Variants in RDH11 observed in about 807,000 individuals in gnomAD.
RDH11 encodes the protein retinol dehydrogenase 11.
In RDH11, 19 loss-of-function variants were observed where a neutral mutation model predicts 33.4. The ratio of observed to expected loss-of-function variants is 0.57; its 90% CI spans 0.40 to 0.83. The LOEUF (loss-of-function observed/expected upper bound fraction) is 0.83, where lower values mean the gene tolerates loss of function less well. Among genes scored for constraint, RDH11 ranks in the 40% least tolerant of loss-of-function variants. The probability of loss-of-function intolerance (pLI) is 0.00; values close to 1 mark genes in which losing one functional copy is unlikely to be tolerated. For missense variants in RDH11, 353 were observed against 389.0 expected, an observed-to-expected ratio of 0.91 and a Z score of 0.78; for synonymous variants, 154 against 155.3, an observed-to-expected ratio of 0.99 and a Z score of 0.06.
chr14:67,692,247 T>C (rs1399550947), intron 3 of RDH11, 191 bp downstream of exon 3: 3 of 607,292 alleles, frequency 4.9e-6, no homozygotes, highest in Non-Finnish European at 8.5e-6. Context: ...TTGAATTCAT[T>C]TTTTGTTTCT....
At chr14:67,691,976 T>A (rs1226294202) in intron 3 of RDH11, 1 of 156,420 alleles carries the variant, frequency 6.4e-6, no homozygotes, top group Non-Finnish European at 1.4e-5. Context: ...CATCTATGTC[T>A]AAAGAGATGG....
intron 1 of RDH11, among the ~76,000 whole-genome samples, chr14:67,694,431 A>AATATATAT (rs144995720): frequency 1.4e-5 from 2 of 140,100 alleles, no homozygotes; most frequent in South Asian, 2.3e-4. Context: ...CAGCTCCTGG[A>AATATATAT]ATATATATAT....
chr14:67,684,297 T>C (rs1429554125), intron 6 of RDH11, among the ~76,000 whole-genome samples: 1 of 152,116 alleles, frequency 6.6e-6, no homozygotes, highest in Non-Finnish European at 1.5e-5. Flanking sequence ...GAAGTAGAGG[T>C]AAAAACATGT....
At chr14:67,680,613 C>A (rs2037603195) in intron 6 of RDH11, among the ~76,000 whole-genome samples, 1 of 152,182 alleles carries the variant, frequency 6.6e-6, no homozygotes, top group Non-Finnish European at 1.5e-5. Context: ...GACACGCCAC[C>A]ACGCCTGGCT....
intron 5 of RDH11, among the ~76,000 whole-genome samples, chr14:67,687,633 G>C (rs757858503): frequency 3.5e-4 from 53 of 151,752 alleles, no homozygotes; most frequent in Non-Finnish European, 5.9e-4. Context: ...CAACATGCCC[G>C]GCTAATTTTG....
intron 1 of RDH11, among the ~76,000 whole-genome samples, chr14:67,694,322 T>C (rs2037795570): frequency 6.6e-6 from 1 of 152,008 alleles, no homozygotes; most frequent in Admixed American, 6.6e-5. Context: ...GTAGGACCTG[T>C]ACTTAGTTCT....
Position 67,695,591 on chromosome 14 carries a change from A to G in RDH11, c.74+39T>C, listed in dbSNP as rs754745926. On this transcript the variant is annotated intron_variant, in intron 1 of 6. Coordinates refer to ENST00000381346, the MANE Select transcript of RDH11 (RefSeq NM_016026.4). ...TTCTATGTTTCCCTCCCGCCCCGCA[A>G]CAAGAATTCTCAAGAGAAGGCAATA... is the stretch of plus-strand genomic sequence containing the variant. The G allele has an allele frequency of 2.5e-6, 4 of 1,580,286 alleles. No individual in the cohort carries two copies. The African/African-American group carries it at 5.4e-5, about 21-fold the overall frequency.
intron 4 of RDH11, 161 bp from the exon 5 acceptor site, chr14:67,690,582 G>T: frequency 1.6e-6 from 1 of 630,730 alleles, no homozygotes. Flanking sequence ...GAAGGTTTAG[G>T]GAAATAACAA....
Position 67,690,273 on chromosome 14 carries a change from G to A in RDH11, c.603C>T (p.Ala201=). ...TGTTGGCTAGCTTGCTGTGACAGTA[G>A]GCCAGGCCTGCATTGTAGAATTTCT... ...QGEKFYNAGL[A]YCHSKLANIL... Residue 201 remains alanine (A), a synonymous_variant, in exon 5 of 7, where the codon GCC becomes GCT. Transcript: ENST00000381346. 6.2e-7 allele frequency: 1 copy of A among 1,614,120 alleles called. No homozygotes were observed.
chr14:67,691,747 T>C (rs2037753111), intron 3 of RDH11: 1 of 155,964 alleles, frequency 6.4e-6, no homozygotes, highest in African/African-American at 2.4e-5. Context: ...GCTTTTTCCT[T>C]GGAGGCCTAG....
chr14:67,691,070 A>T (rs965289429), intron 4 of RDH11, 70 bp downstream of exon 4: 1 of 992,004 alleles, frequency 1.0e-6, no homozygotes, highest in East Asian at 2.4e-5. Context: ...AGAAGCCTCA[A>T]TCTGACCCCT....
At chr14:67,684,761 C>A in intron 6 of RDH11, 1 of 298,562 alleles carries the variant, frequency 3.3e-6, no homozygotes. Flanking sequence ...ATAAAGAAAA[C>A]TGGACTGACA....
At chr14:67,686,327 T>C (rs942166904) in intron 5 of RDH11, 4 of 152,174 alleles carry the variant, frequency 2.6e-5, no homozygotes, top group African/African-American at 7.2e-5. Flanking sequence ...AGTTCATATA[T>C]GTTAAAGGTC....
At chr14:67,687,466 C>CTTTTT in intron 5 of RDH11, among the ~76,000 whole-genome samples, 1 of 116,706 alleles carries the variant, frequency 8.6e-6, no homozygotes. Flanking sequence ...CCTCCATATT[C>CTTTTT]CTTTTTTTTT....
rs375560910 is a variant in RDH11 at position 67,693,448 on chromosome 14, G to A, written c.75-396C>T. Among the ~76,000 whole-genome samples, 46 of 151,958 alleles carry A rather than the reference G, an allele frequency of 3.0e-4. 1 individual carries two copies. Among genetic ancestry groups the A allele is most frequent in the African/African-American group, 1.1e-3 (45 of 41,450 alleles). On this transcript the variant is annotated intron_variant, in intron 1 of 6. Transcript: ENST00000381346. ...TCCACAACTGGCATTTTATGGCCTT[G>A]AGAAATGGCTAATCCAATACAAAAA...
At chr14:67,695,563 G>C in intron 1 of RDH11, 67 bp downstream of exon 1, 2 of 1,491,984 alleles carry the variant, frequency 1.3e-6, no homozygotes, top group Non-Finnish European at 1.8e-6. Flanking sequence ...GCTTTGGTGG[G>C]GATTCTATGT....
chr14:67,694,922 G>A (rs2037809946), intron 1 of RDH11, among the ~76,000 whole-genome samples: 1 of 152,082 alleles, frequency 6.6e-6, no homozygotes, highest in Admixed American at 6.6e-5. Flanking sequence ...GCAGGCTGCC[G>A]GTTTTACAGC....
intron 5 of RDH11, chr14:67,686,188 C>T (rs575846703): frequency 6.6e-6 from 1 of 152,354 alleles, no homozygotes; most frequent in East Asian, 1.9e-4. Flanking sequence ...TGCCCAGTTT[C>T]AAATCCTGGC....
chr14:67,684,327 G>A (rs2037649610), intron 6 of RDH11, among the ~76,000 whole-genome samples: 1 of 152,148 alleles, frequency 6.6e-6, no homozygotes, highest in Non-Finnish European at 1.5e-5. Context: ...GATCTTATGT[G>A]ATGCCTGGGA....
Sources: allele counts gnomAD v4.1 joint callset (sites outside exome capture counted in the v4.1 genomes callset), GRCh38; gene constraint gnomAD v4.1.1; transcripts MANE v1.5; gene names NCBI Gene and HGNC (gene_info 2026-07-23, HGNC 2026-07-21).